The following DRG1 variants were observed in gnomAD, a reference collection of about 807,000 sequenced individuals.
DRG1 encodes the protein developmentally-regulated GTP-binding protein 1.
In DRG1, 19 loss-of-function variants were observed where a neutral mutation model predicts 38.8. The observed-to-expected ratio is 0.49, with a 90% CI of 0.34 to 0.72. The LOEUF is 0.72. DRG1 is among the 30% of genes least tolerant of loss of function. The pLI, the probability that DRG1 is intolerant of heterozygous loss-of-function variation, is 0.01. For missense variants in DRG1, 299 were observed against 444.8 expected (o/e 0.67, Z 2.95); for synonymous variants, 167 against 157.5 (o/e 1.06, Z -0.45).
chr22:31,402,918 T>C, intron 2 of DRG1, 111 bp from the exon 3 acceptor site: 1 of 1,256,572 alleles, frequency 8.0e-7, no homozygotes, highest in Non-Finnish European at 1.1e-6. Context: ...CCATAAAAAG[T>C]TTGAGAAATA....
chr22:31,406,190 C>T (rs537371458), intron 3 of DRG1, among the ~76,000 whole-genome samples: 6 of 151,918 alleles, frequency 3.9e-5, no homozygotes, highest in African/African-American at 9.6e-5. Context: ...TTAGTAGAGA[C>T]GGAGTTTCAC....
rs2049950092 is a variant in DRG1, at chr22:31,399,729, A to G, written c.42+4A>G. The G allele has an allele frequency of 1.2e-6, 2 of 1,613,974 alleles. No homozygotes were observed. Among genetic ancestry groups the G allele is most frequent in the Non-Finnish European group, 1.7e-6 (2 of 1,179,860 alleles). ...GATCGCGGAGATAGAAGCAGAGGTA[A>G]TGGACGCAGCTGGCGGTTCACTCTT... On this transcript the variant is annotated splice_donor_region_variant and intron_variant, in intron 1 of 8. Coordinates refer to ENST00000331457, the MANE Select transcript of DRG1 (RefSeq NM_004147.4).
At chr22:31,431,034 G>A (rs1031233117) in intron 8 of DRG1, among the ~76,000 whole-genome samples, 1 of 16,956 alleles carries the variant, frequency 5.9e-5, no homozygotes, top group Non-Finnish European at 1.2e-4. Context: ...CCCCCCCCCC[G>A]CTTTTTTTTT....
At position 31,403,977 on chromosome 22, in the gene DRG1, CTTTTTTTTTTT is replaced by C. The variant is rs11295429; in HGVS notation, c.342+786_342+796del. On this transcript the variant is annotated intron_variant, in intron 3 of 8. Transcript: ENST00000331457. ...CAGCTTTGGCAGCTCAAGAGAATAA[CTTTTTTTTTTT>C]TTTTTTTTTTTTGGTAGGATGCTAT... Among the ~76,000 whole-genome samples, 3 of 81,804 alleles carry C rather than the reference CTTTTTTTTTTT, an allele frequency of 3.7e-5. 1 individual carries two copies. The highest frequency in any genetic ancestry group is 1.5e-4 in the African/African-American group (3 of 20,650). 53.7% of individuals were successfully genotyped at this position (81,804 alleles called of 152,430 possible). A position where few individuals can be genotyped will look rare whatever the true frequency, so the allele number is the denominator to read the frequency against.
chr22:31,410,728 T>C (rs536289815), intron 3 of DRG1, among the ~76,000 whole-genome samples: 61 of 151,592 alleles, frequency 4.0e-4, no homozygotes, highest in African/African-American at 1.4e-3. Flanking sequence ...GGCAGGAGAA[T>C]CCCTTGAACC....
At chr22:31,418,807 A>C (rs991452223) in intron 4 of DRG1, among the ~76,000 whole-genome samples, 2 of 152,046 alleles carry the variant, frequency 1.3e-5, no homozygotes, top group Non-Finnish European at 2.9e-5. Flanking sequence ...TCAGCCTCCC[A>C]AGTAGCTGGG....
rs114797316 is a variant in DRG1, at chr22:31,414,568, C to G, written c.412+3487C>G. ...ATCCTTCAGAACTTTTAGGTCAAAT[C>G]TTTTTTTCCCTTTCATCCCGCACAT... On this transcript the variant is annotated intron_variant, in intron 4 of 8. Coordinates refer to ENST00000331457, the MANE Select transcript of DRG1 (RefSeq NM_004147.4). Among the ~76,000 whole-genome samples the G allele has an allele frequency of 6.1e-3, 923 of 152,188 alleles. 10 individuals carry two copies. Among genetic ancestry groups the G allele is most frequent in the African/African-American group, 0.021 (884 of 41,530 alleles).
chr22:31,402,945 G>T, intron 2 of DRG1, 84 bp from the exon 3 acceptor site: 1 of 1,429,714 alleles, frequency 7.0e-7, no homozygotes, highest in Non-Finnish European at 9.5e-7. Flanking sequence ...AGAGGGATAG[G>T]CAGTAAAAAT....
chr22:31,405,454 C>T (rs1278452427), intron 3 of DRG1, among the ~76,000 whole-genome samples: 1 of 152,092 alleles, frequency 6.6e-6, no homozygotes, highest in Non-Finnish European at 1.5e-5. Context: ...GCTTGAGCCA[C>T]CGTGCCTGGC....
In DRG1 at chr22:31,400,672, A is replaced by C. The variant is rs1453272709; in HGVS notation, c.95A>C (p.Lys32Thr). Residue 32 changes from lysine (K) to threonine (T), a missense_variant, in exon 2 of 9, where the codon AAG becomes ACG. By Grantham distance (78) the Lys-to-Thr change is moderately conservative (BLOSUM62 -1). This residue lies in a region of DRG1 where 51 missense variants were observed against 56.1 expected (regional missense o/e 0.91). Coordinates refer to ENST00000331457, the MANE Select transcript of DRG1 (RefSeq NM_004147.4). Reference protein sequence around the residue: ...KATAHHLGLLKARLAKLRREL... With the variant: ...KATAHHLGLLTARLAKLRREL... Reference sequence around the variant, plus strand: ...ACAGCACACCACTTAGGGCTGCTTAAGGCTCGTCTTGCTAAGCTTCGTCGA... The same window carrying C: ...ACAGCACACCACTTAGGGCTGCTTACGGCTCGTCTTGCTAAGCTTCGTCGA... 2.5e-6 allele frequency: 4 copies of C among 1,613,604 alleles called. No individual in the cohort carries two copies.
chr22:31,428,302 C>T (rs185263744), intron 8 of DRG1, among the ~76,000 whole-genome samples: 1 of 152,066 alleles, frequency 6.6e-6, no homozygotes, highest in East Asian at 1.9e-4. Flanking sequence ...AGCTCTGCCT[C>T]CAGGGTTCAT....
intron 3 of DRG1, 139 bp from the exon 4 acceptor site, chr22:31,410,873 A>T: frequency 1.2e-6 from 1 of 800,762 alleles, no homozygotes; most frequent in Non-Finnish European, 1.9e-6. Flanking sequence ...AGTAATATTC[A>T]CACACTCGCT....
At chr22:31,414,130 C>G (rs559126476) in intron 4 of DRG1, among the ~76,000 whole-genome samples, 56 of 152,298 alleles carry the variant, frequency 3.7e-4, no homozygotes, top group South Asian at 2.1e-3. Flanking sequence ...ATTGCCCCAA[C>G]ACCTAATCTT....
At chr22:31,427,268 AAAG>A (rs1474905773) in intron 8 of DRG1, 86 bp downstream of exon 8, 6 of 1,500,982 alleles carry the variant, frequency 4.0e-6, no homozygotes, top group Non-Finnish European at 5.3e-6. Context: ...GCATTTTAAA[AAAG>A]AAGGCAGGAA....
At chr22:31,429,568 A>G (rs1285298549) in intron 8 of DRG1, among the ~76,000 whole-genome samples, 2 of 151,968 alleles carry the variant, frequency 1.3e-5, no homozygotes, top group South Asian at 2.1e-4. Context: ...ATCTAATACT[A>G]TTATTATTTT....
chr22:31,405,676 T>TG lies in DRG1; in HGVS notation c.342+2473dup, dbSNP rs1356174524. On this transcript the variant is annotated intron_variant, in intron 3 of 8. Transcript: ENST00000331457. ...GCTCATACTGTTGGGCATGTGTGTGTGTGTGGGGGGGTTTATTTATTTTTT... is the reference window on the plus strand; with the variant it reads ...GCTCATACTGTTGGGCATGTGTGTGTGGTGTGGGGGGGTTTATTTATTTTTT... 1.1e-3 allele frequency among the ~76,000 whole-genome samples: 159 copies of TG among 147,746 alleles called. 1 individual carries two copies. Among genetic ancestry groups the TG allele is most frequent in the South Asian group, 7.2e-3 (33 of 4,580 alleles).
intron 4 of DRG1, among the ~76,000 whole-genome samples, chr22:31,414,236 A>G (rs1166906372): frequency 4.6e-5 from 7 of 152,092 alleles, no homozygotes; most frequent in African/African-American, 1.7e-4. Context: ...CTATATTCTA[A>G]TGATTATGAA....
chr22:31,421,279 ATT>A (rs201178656), intron 5 of DRG1: 2,482 of 119,496 alleles, frequency 0.021, 84 homozygotes, highest in East Asian at 0.16. Flanking sequence ...GGCTTGGCTA[ATT>A]TTTTTTTTTT....
In DRG1 at chr22:31,420,426, G is replaced by A. The variant is rs751213154; in HGVS notation, c.582+1G>A. The stretch of plus-strand genomic sequence containing the variant: ...GGGAGGCATTAATCTCACAGCCACT[G>A]TAAGTGGGGAATATGACATGGGGCA... On this transcript the variant is annotated splice_donor_variant, in intron 5 of 8. Transcript: ENST00000331457. LOFTEE classifies it high-confidence loss of function. 6.2e-7 allele frequency: 1 copy of A among 1,614,164 alleles called. No homozygotes were observed. The highest frequency in any genetic ancestry group is 8.5e-7 in the Non-Finnish European group (1 of 1,180,018).
Sources: allele counts gnomAD v4.1 joint callset (sites outside exome capture counted in the v4.1 genomes callset), GRCh38; gene constraint gnomAD v4.1.1; regional missense constraint gnomAD v4.1.1; transcripts MANE v1.5; gene names NCBI Gene and HGNC (gene_info 2026-07-23, HGNC 2026-07-21).